The following PCDHA3 variants were observed in gnomAD, a reference collection of about 807,000 sequenced individuals.
The protein encoded by PCDHA3 is protocadherin alpha 3, also known as protocadherin alpha-3.
Under a neutral mutation model 62.2 loss-of-function variants are expected in PCDHA3, and 41 were observed. That is an observed-to-expected ratio of 0.66 (90% CI 0.51 to 0.86). The LOEUF is 0.86. PCDHA3 is among the 40% of genes least tolerant of loss of function. PCDHA3 has a pLI of 0.00. For synonymous variants in PCDHA3, 640 were observed against 555.4 expected (o/e 1.15, Z -2.14); for missense variants, 1,304 against 1,241.2 (o/e 1.05, Z -0.76).
At chr5:140,888,286 C>A (rs1277980750) in intron 1 of PCDHA3, among the ~76,000 whole-genome samples, 7 of 152,080 alleles carry the variant, frequency 4.6e-5, no homozygotes, top group African/African-American at 1.7e-4. Context: ...TCCCCTCTAC[C>A]CCCTACCCAG....
rs1298083559 is a variant in PCDHA3, at chr5:140,858,734, T to C, written c.2394+55143T>C. ...ATAGGTTGCAGTTCTGACGATTTAC[T>C]TTCATAATCACTTTTCGTTACAAAT... On this transcript the variant is annotated intron_variant, in intron 1 of 3. Coordinates refer to ENST00000522353, the MANE Select transcript of PCDHA3 (RefSeq NM_018906.3). The C allele has an allele frequency of 1.7e-5, 8 of 476,746 alleles. 1 individual carries two copies. Among genetic ancestry groups the C allele is most frequent in the East Asian group, 3.2e-5 (1 of 30,834 alleles). 29.5% of individuals were successfully genotyped at this position (476,746 alleles called of 1,614,324 possible).
rs782636217 is a variant in PCDHA3 at position 140,928,409 on chromosome 5, C to T, written c.2395-50540C>T. The T allele has an allele frequency of 1.9e-6, 3 of 1,614,030 alleles. No individual in the cohort carries two copies. The Admixed American group carries it at 5.0e-5, about 27-fold the overall frequency. On this transcript the variant is annotated intron_variant, in intron 1 of 3. Coordinates refer to ENST00000522353, the MANE Select transcript of PCDHA3 (RefSeq NM_018906.3). ...CTGGCAGTGGAATCATCCAGTGGGG[C>T]CATCACTGCCAAAACTTCCTTTGAC...
At chr5:140,823,541 T>C in intron 1 of PCDHA3, 1 of 1,613,782 alleles carries the variant, frequency 6.2e-7, no homozygotes, top group Non-Finnish European at 8.5e-7. Flanking sequence ...GCGGGCCACG[T>C]GGTGGCGAAG....
At chr5:140,927,400 C>A in intron 1 of PCDHA3, 1 of 1,614,126 alleles carries the variant, frequency 6.2e-7, no homozygotes, top group Non-Finnish European at 8.5e-7. Context: ...TCAGCACTTT[C>A]GCCTGGACAT....
intron 1 of PCDHA3, chr5:140,927,588 A>G (rs914756357): frequency 1.9e-6 from 3 of 1,614,210 alleles, no homozygotes; most frequent in East Asian, 2.2e-5. Context: ...ACGCGCCTGT[A>G]TTTGAGCGCT....
chr5:140,823,055 G>A, intron 1 of PCDHA3: 1 of 1,614,176 alleles, frequency 6.2e-7, no homozygotes, highest in Non-Finnish European at 8.5e-7. Flanking sequence ...GTGACCGCGC[G>A]GGACGGGGGC....
At chr5:140,836,479 A>G (rs782130761) in intron 1 of PCDHA3, 4 of 1,613,680 alleles carry the variant, frequency 2.5e-6, no homozygotes, top group Admixed American at 1.7e-5. Flanking sequence ...GTCAACGTGT[A>G]CCTGATCATC....
intron 1 of PCDHA3, among the ~76,000 whole-genome samples, chr5:140,892,806 A>G (rs1262963314): frequency 2.6e-5 from 4 of 152,228 alleles, no homozygotes; most frequent in African/African-American, 7.2e-5. Flanking sequence ...ATAGTTAACC[A>G]TATTTATCCT....
chr5:140,830,127 C>A (rs2150181512), intron 1 of PCDHA3: 1 of 1,613,466 alleles, frequency 6.2e-7, no homozygotes, highest in East Asian at 2.2e-5. Context: ...CCAAAGGCGT[C>A]ATCACGGGCG....
intron 1 of PCDHA3, among the ~76,000 whole-genome samples, chr5:140,949,692 T>A (rs1563239592): frequency 6.6e-6 from 1 of 151,854 alleles, no homozygotes; most frequent in Non-Finnish European, 1.5e-5. Flanking sequence ...AGCGTATTGT[T>A]GGATCTTGCT....
At chr5:140,956,754 C>T (rs1470553559) in intron 1 of PCDHA3, among the ~76,000 whole-genome samples, 5 of 152,140 alleles carry the variant, frequency 3.3e-5, no homozygotes, top group African/African-American at 1.2e-4. Flanking sequence ...TGATAGAATT[C>T]AGCTGTAAAT....
At chr5:140,870,660 G>A (rs782219391) in intron 1 of PCDHA3, 3 of 1,612,516 alleles carry the variant, frequency 1.9e-6, no homozygotes, top group Non-Finnish European at 2.5e-6. Context: ...TGTACGCGCT[G>A]CAGCCGTTGG....
intron 1 of PCDHA3, among the ~76,000 whole-genome samples, chr5:140,806,603 A>C (rs1253331970): frequency 6.6e-6 from 1 of 151,862 alleles, no homozygotes; most frequent in African/African-American, 2.4e-5. Flanking sequence ...CCTAGAGACC[A>C]GTCCCCTCAA....
At chr5:140,964,222 A>G (rs2095818106) in intron 1 of PCDHA3, among the ~76,000 whole-genome samples, 1 of 152,254 alleles carries the variant, frequency 6.6e-6, no homozygotes, top group African/African-American at 2.4e-5. Flanking sequence ...AATGTCTTTC[A>G]AAATGAGGCT....
At chr5:140,971,603 C>T (rs1353988698) in intron 1 of PCDHA3, among the ~76,000 whole-genome samples, 1 of 152,072 alleles carries the variant, frequency 6.6e-6, no homozygotes, top group Non-Finnish European at 1.5e-5. Context: ...CTACAGATGG[C>T]AGGAGAGTCC....
At chr5:140,803,888 T>C (rs956111748) in intron 1 of PCDHA3, 13 of 538,706 alleles carry the variant, frequency 2.4e-5, no homozygotes, top group Admixed American at 3.6e-5. Context: ...CTTAGATGAA[T>C]TGCATTATTT....
In PCDHA3 at chr5:140,876,048, T is replaced by A. The variant is rs376201695; in HGVS notation, c.2394+72457T>A. 5 of 1,613,812 alleles carry A rather than the reference T, an allele frequency of 3.1e-6. No individual in the cohort carries two copies. In the African/African-American group the frequency reaches 5.3e-5, roughly 17 times the overall value. On this transcript the variant is annotated intron_variant, in intron 1 of 3. Transcript: ENST00000522353. ...CAAAAAAAGATAAAAGTATATTGCC[T>A]GAATTAGTTCTTCGGAAGTTATTGG...
intron 1 of PCDHA3, among the ~76,000 whole-genome samples, chr5:140,951,082 CTTT>C (rs573059224): frequency 6.6e-6 from 1 of 151,404 alleles, no homozygotes; most frequent in African/African-American, 2.4e-5. Flanking sequence ...TTATATTTTC[CTTT>C]TTTTCTGATA....
intron 1 of PCDHA3, chr5:140,808,029 T>C (rs894226216): frequency 6.2e-7 from 1 of 1,614,028 alleles, no homozygotes; most frequent in Non-Finnish European, 8.5e-7. Context: ...GTTTATTCAT[T>C]CTCAAATGAT....
Sources: allele counts gnomAD v4.1 joint callset (sites outside exome capture counted in the v4.1 genomes callset), GRCh38; gene constraint gnomAD v4.1.1; transcripts MANE v1.5; gene names NCBI Gene and HGNC (gene_info 2026-07-23, HGNC 2026-07-21).